SUN1: variants seen among roughly 807,000 people sequenced by gnomAD.
SUN1 encodes the protein Sad1 and UNC84 domain containing 1, also known as SUN domain-containing protein 1.
Under a neutral mutation model 103.2 loss-of-function variants are expected in SUN1, and 61 were observed. The observed-to-expected ratio is 0.59, with a 90% CI of 0.48 to 0.73. The LOEUF is 0.73. Among genes scored for constraint, SUN1 ranks in the 30% least tolerant of loss-of-function variants. The pLI is 0.00. For missense variants in SUN1, 1,052 were observed against 1,034.6 expected, an observed-to-expected ratio of 1.02 and a Z score of -0.23; for synonymous variants, 490 against 425.7, an observed-to-expected ratio of 1.15 and a Z score of -1.86.
intron 2 of SUN1, among the ~76,000 whole-genome samples, chr7:839,436 A>G (rs564387022): frequency 6.6e-6 from 1 of 152,316 alleles, no homozygotes; most frequent in Non-Finnish European, 1.5e-5. Context: ...CCAGGGTGGA[A>G]TGCAGTGGCA....
upstream of SUN1, chr7:816,285 C>A: frequency 5.0e-6 from 1 of 201,410 alleles, no homozygotes; most frequent in South Asian, 4.2e-5. Context: ...TGCAAACCCC[C>A]CCCAGCAGGT....
At chr7:842,888 G>C (rs996898832) in intron 3 of SUN1, 37 of 507,576 alleles carry the variant, frequency 7.3e-5, no homozygotes, top group Non-Finnish European at 1.0e-4. Flanking sequence ...TGCTGCTGAG[G>C]CTTGTGCCTT....
In SUN1 at chr7:839,015, T is replaced by C. The variant is rs780799246; in HGVS notation, c.266+29T>C. On this transcript the variant is annotated intron_variant, in intron 2 of 18. Coordinates refer to ENST00000401592, the MANE Select transcript of SUN1 (RefSeq NM_001130965.3). ...AGCACCGCTGCACTTCCTCTCCATC[T>C]GATCTCTAACACCAGTTAAAACCAA... 4 of 1,507,006 alleles carry C rather than the reference T, an allele frequency of 2.7e-6. 1 individual carries two copies. In the South Asian group the frequency reaches 5.1e-5, roughly 19 times the overall value. The allele number at this position is 1,507,006 out of a possible 1,614,324, so 93.4% of individuals were successfully genotyped here. A position where few individuals can be genotyped will look rare whatever the true frequency, so the allele number is the denominator to read the frequency against.
intron 17 of SUN1, among the ~76,000 whole-genome samples, chr7:871,783 CT>C (rs1320988041): frequency 6.6e-6 from 1 of 152,236 alleles, no homozygotes; most frequent in Non-Finnish European, 1.5e-5. Context: ...CCTAGAAGTC[CT>C]TTCCCATTTC....
chr7:860,360 G>T lies in SUN1; in HGVS notation c.1757G>T (p.Gly586Val). The change falls in exon 14 of 19, where the codon GGG becomes GTG. Residue 586 changes from glycine (G) to valine (V), a missense_variant. This residue lies in a region of SUN1 where 846 missense variants were observed against 774.5 expected (regional missense o/e 1.09). Coordinates refer to ENST00000401592, the MANE Select transcript of SUN1 (RefSeq NM_001130965.3). ...EAVVSAVSEA[G>V]ASGITEAQAR... ...GTGGTGTCTGCTGTGAGCGAGGCGG[G>T]GGCGTCTGGAATAACAGAGGCGGTG... is the stretch of plus-strand genomic sequence containing the variant. 1 of 1,613,918 alleles carries T rather than the reference G, an allele frequency of 6.2e-7. No individual in the cohort carries two copies. The highest frequency in any genetic ancestry group is 2.2e-5 in the East Asian group (1 of 44,884).
At chr7:832,135 A>G, upstream of SUN1, 1 of 978,114 alleles carries the variant, frequency 1.0e-6, no homozygotes. Flanking sequence ...ATAAAAACTG[A>G]TTTCAGAAGA....
At position 852,479 on chromosome 7, in the gene SUN1, A is replaced by T. The variant is rs1584882787; in HGVS notation, c.852-130A>T. On this transcript the variant is annotated intron_variant, in intron 7 of 18. Transcript: ENST00000401592. ...CCTGAAGGCATCAGAAGCCTTGTAGATAAAACCGTAACTGCTTTTCTAATA... is the reference window on the plus strand; with the variant it reads ...CCTGAAGGCATCAGAAGCCTTGTAGTTAAAACCGTAACTGCTTTTCTAATA... 6 of 1,091,444 alleles carry T rather than the reference A, an allele frequency of 5.5e-6. No individual in the cohort carries two copies. The Admixed American group carries it at 9.4e-5, about 17-fold the overall frequency. 67.6% of individuals were successfully genotyped at this position (1,091,444 alleles called of 1,614,324 possible).
At chr7:857,783 G>T in intron 12 of SUN1, 45 bp from the exon 13 acceptor site, 2 of 1,522,840 alleles carry the variant, frequency 1.3e-6, no homozygotes, top group South Asian at 2.5e-5. Flanking sequence ...GAAGCGTATA[G>T]GCTGGGAGGC....
chr7:837,949 T>C (rs1805065601), intron 1 of SUN1, among the ~76,000 whole-genome samples: 1 of 152,266 alleles, frequency 6.6e-6, no homozygotes, highest in African/African-American at 2.4e-5. Flanking sequence ...GCATTCAACA[T>C]AGCTTAGTGC....
chr7:854,282 C>T (rs1158521266), intron 10 of SUN1, among the ~76,000 whole-genome samples: 1 of 152,272 alleles, frequency 6.6e-6, no homozygotes, highest in Non-Finnish European at 1.5e-5. Context: ...CAGAGCAGGG[C>T]TTCCCTCCGA....
At chr7:850,089 C>G (rs368642646) in intron 5 of SUN1, 3 of 1,464,868 alleles carry the variant, frequency 2.0e-6, no homozygotes, top group Non-Finnish European at 2.8e-6. Context: ...CTATTTGTGT[C>G]TTGTGTGGTT....
At chr7:826,064 C>A (rs1413776270) in intron 1 of SUN1, among the ~76,000 whole-genome samples, 2 of 152,016 alleles carry the variant, frequency 1.3e-5, no homozygotes, top group Admixed American at 1.3e-4. Flanking sequence ...CATAGGGAGA[C>A]CCTGTCTCTA....
intron 5 of SUN1, among the ~76,000 whole-genome samples, chr7:846,542 T>C (rs1255356987): frequency 2.0e-5 from 3 of 151,454 alleles, no homozygotes; most frequent in Admixed American, 1.3e-4. Flanking sequence ...ACCACTGCAC[T>C]TCAGCCTGGG....
rs950240652 is a variant in SUN1, at chr7:817,404, G to C, written c.-74+731G>C. ...TTGCGCCTTCAAAGTGCCCAGAATG[G>C]TGTCTGGTGCAAAATAAGCAGCGGC... On this transcript the variant is annotated intron_variant, in intron 1 of 17. Coordinates refer to the SUN1 transcript ENST00000389574. The C allele has an allele frequency of 3.9e-6, 6 of 1,535,056 alleles. No homozygotes were observed. The African/African-American group carries it at 8.2e-5, about 21-fold the overall frequency.
In SUN1 at chr7:874,305, T is replaced by C. The variant is rs1843279629; in HGVS notation, c.*974T>C. 1 of 152,672 alleles carries C rather than the reference T, an allele frequency of 6.5e-6. No individual in the cohort carries two copies. The highest frequency in any genetic ancestry group is 1.5e-5 in the Non-Finnish European group (1 of 68,042). 9.5% of individuals were successfully genotyped at this position (152,672 alleles called of 1,614,324 possible). A position where few individuals can be genotyped will look rare whatever the true frequency, so the allele number is the denominator to read the frequency against. Reference sequence around the variant, plus strand: ...GCTGGAATCTGCCTTTTATCACAGCTGTCACCATTCTCACGTGATTCTTGT... The same window carrying C: ...GCTGGAATCTGCCTTTTATCACAGCCGTCACCATTCTCACGTGATTCTTGT... On this transcript the variant is annotated 3_prime_UTR_variant, in exon 19 of 19. Coordinates refer to ENST00000401592, the MANE Select transcript of SUN1 (RefSeq NM_001130965.3).
At chr7:840,993 G>A (rs1302103880) in intron 2 of SUN1, among the ~76,000 whole-genome samples, 1 of 151,650 alleles carries the variant, frequency 6.6e-6, no homozygotes, top group African/African-American at 2.4e-5. Context: ...GAGTGCAATG[G>A]CGCGATCTTG....
intron 11 of SUN1, among the ~76,000 whole-genome samples, chr7:856,063 C>G (rs921990283): frequency 6.6e-6 from 1 of 152,206 alleles, no homozygotes; most frequent in Non-Finnish European, 1.5e-5. Flanking sequence ...GTTTAGAACA[C>G]ACTCTGGAGG....
Position 838,913 on chromosome 7 carries a change from C to G in SUN1, c.193C>G (p.Leu65Val), listed in dbSNP as rs774353215. Reference sequence around the variant, plus strand: ...GCGCCTGGCCACGACAGCATGCACCCTGGGGGATGGTGAGGCTGTGGGTGC... The same window carrying G: ...GCGCCTGGCCACGACAGCATGCACCGTGGGGGATGGTGAGGCTGTGGGTGC... ...SLRLATTACT[L>V]GDGEAVGADS... is the part of the protein sequence containing the mutation. The change falls in exon 2 of 19, where the codon CTG (leucine) becomes GTG (valine). Residue 65 changes from leucine (L) to valine (V), a missense_variant. Leu to Val is a conservative substitution (Grantham distance 32). Transcript: ENST00000401592. 9.9e-6 allele frequency: 16 copies of G among 1,611,406 alleles called. 1 individual carries two copies. In the East Asian group the frequency reaches 1.1e-4, roughly 11 times the overall value.
At chr7:848,652 C>T in intron 5 of SUN1, 5 of 1,285,016 alleles carry the variant, frequency 3.9e-6, no homozygotes, top group Non-Finnish European at 5.1e-6. Flanking sequence ...TTCCACCAAT[C>T]ACACTTTCGC....
Sources: allele counts gnomAD v4.1 joint callset (sites outside exome capture counted in the v4.1 genomes callset), GRCh38; gene constraint gnomAD v4.1.1; regional missense constraint gnomAD v4.1.1; transcripts MANE v1.5; gene names NCBI Gene and HGNC (gene_info 2026-07-23, HGNC 2026-07-21).